NOMO3: variants seen among roughly 807,000 people sequenced by gnomAD.
NOMO3 encodes the protein BOS complex subunit NOMO3.
In NOMO3, 15 loss-of-function variants were observed where a neutral mutation model predicts 69.9. That is an observed-to-expected ratio of 0.21 (90% confidence interval 0.14 to 0.33). The LOEUF (loss-of-function observed/expected upper bound fraction) is 0.33, where lower values mean the gene tolerates loss of function less well. NOMO3 is among the 10% of genes least tolerant of loss of function. NOMO3 has a pLI of 1.00. For missense variants in NOMO3, 218 were observed against 761.0 expected (o/e 0.29, Z 8.39); for synonymous variants, 89 against 301.9 (o/e 0.29, Z 7.31).
rs2049386293 is a variant in NOMO3 at position 16,243,038 on chromosome 16, G to C, written c.302-123G>C. 5 of 1,303,770 alleles carry C rather than the reference G, an allele frequency of 3.8e-6. No individual in the cohort carries two copies. In the South Asian group the frequency reaches 7.8e-5, roughly 20 times the overall value. The allele number at this position is 1,303,770 out of a possible 1,614,324, so 80.8% of individuals were successfully genotyped here. ...TTTGGAAACACAACGAGTGTATTAAGTGTTCAAAAGTAAAATGAAACCTGA... is the reference window on the plus strand; with the variant it reads ...TTTGGAAACACAACGAGTGTATTAACTGTTCAAAAGTAAAATGAAACCTGA... On this transcript the variant is annotated intron_variant, in intron 3 of 30. Transcript: ENST00000399336.
chr16:16,242,806 C>T lies in NOMO3; in HGVS notation c.302-355C>T, dbSNP rs1454102881. 1.4e-5 allele frequency among the ~76,000 whole-genome samples: 2 copies of T among 143,648 alleles called. 1 individual carries two copies. Among genetic ancestry groups the T allele is most frequent in the African/African-American group, 5.6e-5 (2 of 35,756 alleles). The allele number at this position is 143,648 out of a possible 152,430, so 94.2% of individuals were successfully genotyped here. A position where few individuals can be genotyped will look rare whatever the true frequency, so the allele number is the denominator to read the frequency against. On this transcript the variant is annotated intron_variant, in intron 3 of 30. Transcript: ENST00000399336. Reference sequence around the variant, plus strand: ...AGGATTAAAGGCACTCAGCTCAGTGCCTGGTCGGTGATGAGCATTCAGGAA... The same window carrying T: ...AGGATTAAAGGCACTCAGCTCAGTGTCTGGTCGGTGATGAGCATTCAGGAA...
intron 16 of NOMO3, among the ~76,000 whole-genome samples, chr16:16,269,429 AT>A (rs750179595): frequency 0.051 from 5,676 of 111,446 alleles, 431 homozygotes; most frequent in African/African-American, 0.1. Flanking sequence ...GAGAAACCTG[AT>A]TTTTTTTTTT....
At chr16:16,265,280 G>C (rs768431068) in intron 15 of NOMO3, 101 bp downstream of exon 15, 2 of 1,581,328 alleles carry the variant, frequency 1.3e-6, no homozygotes, top group Admixed American at 1.7e-5. Context: ...AGGCAAGTCA[G>C]ATTTCCTTTT....
chr16:16,234,079 G>C (rs2049305615), intron 1 of NOMO3, among the ~76,000 whole-genome samples: 1 of 151,978 alleles, frequency 6.6e-6, no homozygotes, highest in Non-Finnish European at 1.5e-5. Context: ...TGCTTTTTCA[G>C]ACTGAAGAGG....
rs413288 is a variant in NOMO3, at chr16:16,259,370, C to A, written c.1221-2132C>A. The stretch of plus-strand genomic sequence containing the variant: ...CTTTTCCTTTTTATTTTTTGTTGAG[C>A]CAGGGTCTTACTCCGTTGCCCAGGC... On this transcript the variant is annotated intron_variant, in intron 11 of 30. Coordinates refer to ENST00000399336, the MANE Select transcript of NOMO3 (RefSeq NM_001004067.4). Among the ~76,000 whole-genome samples, 1,110 of 138,070 alleles carry A rather than the reference C, an allele frequency of 8.0e-3. 6 individuals are homozygous for A. The highest frequency in any genetic ancestry group is 0.01 in the Middle Eastern group (3 of 288). The allele number at this position is 138,070 out of a possible 152,430, so 90.6% of individuals were successfully genotyped here.
At chr16:16,261,374 C>G (rs1305251374) in intron 11 of NOMO3, 128 bp from the exon 12 acceptor site, 3 of 1,421,680 alleles carry the variant, frequency 2.1e-6, no homozygotes, top group Non-Finnish European at 2.8e-6. Context: ...TGCATTCTGT[C>G]TCTTCATTAA....
At chr16:16,237,694 A>G (rs1288959915) in intron 2 of NOMO3, among the ~76,000 whole-genome samples, 1 of 143,668 alleles carries the variant, frequency 7.0e-6, no homozygotes. Context: ...GATTACAGGC[A>G]TCTGCCACTA....
chr16:16,241,407 ATATTT>A (rs1410376506), intron 3 of NOMO3, among the ~76,000 whole-genome samples: 1 of 142,972 alleles, frequency 7.0e-6, no homozygotes, highest in Non-Finnish European at 1.5e-5. Flanking sequence ...TAAAATACTT[ATATTT>A]TATTTTATTT....
At position 16,232,722 on chromosome 16, in the gene NOMO3, T is replaced by C; in HGVS notation, c.56T>C (p.Val19Ala). The C allele has an allele frequency of 1.4e-6, 1 of 730,624 alleles. No individual in the cohort carries two copies. The highest frequency in any genetic ancestry group is 1.8e-6 in the Non-Finnish European group (1 of 544,750). The allele number at this position is 730,624 out of a possible 1,614,324, so 45.3% of individuals were successfully genotyped here. ...PLGPAVVTAA[V>A]VLLLSGVGPA... ...GGGCCCGCGGTGGTCACCGCCGCGG[T>C]GGTGCTGCTGCTGAGCGGCGTGGGG... is the stretch of plus-strand genomic sequence containing the variant. Residue 19 changes from valine to alanine, a missense_variant, in exon 1 of 31, where the codon GTG becomes GCG. Physicochemically the swap from Val to Ala is moderately conservative, Grantham distance 64. Transcript: ENST00000399336.
At position 16,244,195 on chromosome 16, in the gene NOMO3, G is replaced by A. The variant is rs1362855994; in HGVS notation, c.403-873G>A. Among the ~76,000 whole-genome samples the A allele has an allele frequency of 2.8e-5, 4 of 142,242 alleles. 1 individual carries two copies. Among genetic ancestry groups the A allele is most frequent in the Non-Finnish European group, 1.5e-5 (1 of 67,064 alleles). 93.3% of individuals were successfully genotyped at this position (142,242 alleles called of 152,430 possible). A position where few individuals can be genotyped will look rare whatever the true frequency, so the allele number is the denominator to read the frequency against. On this transcript the variant is annotated intron_variant, in intron 4 of 30. Transcript: ENST00000399336. ...CTTTCTCCTCTACCTTTGCGGTGAC[G>A]GGGAGGCCCTTCCATCCCAGCTGTA... is the stretch of plus-strand genomic sequence containing the variant.
rs764719158 is a variant in NOMO3 at position 16,255,737 on chromosome 16, G to A, written c.981G>A (p.Met327Ile). 1 of 1,590,118 alleles carries A rather than the reference G, an allele frequency of 6.3e-7. No individual in the cohort carries two copies. The highest frequency in any genetic ancestry group is 1.6e-5 in the African/African-American group (1 of 62,492). The change falls in exon 10 of 31, where the codon ATG (methionine) becomes ATA (isoleucine). Residue 327 changes from methionine to isoleucine, a missense_variant. Transcript: ENST00000399336. ...SLKIEPVFHVMGFSVTGRVLN... is the reference protein window; with the variant it reads ...SLKIEPVFHVIGFSVTGRVLN... ...TTTTCTAGCCCGTGTTCCACGTCAT[G>A]GGATTCTCCGTCACCGGGAGGGTCT... is the stretch of plus-strand genomic sequence containing the variant.
chr16:16,252,794 A>C (rs2049475105), intron 9 of NOMO3, among the ~76,000 whole-genome samples: 1 of 97,910 alleles, frequency 1.0e-5, no homozygotes, highest in Non-Finnish European at 1.9e-5. Context: ...AGCAGTGACC[A>C]AAAGAGGCAA....
intron 9 of NOMO3, among the ~76,000 whole-genome samples, chr16:16,254,604 T>C (rs1317922396): frequency 5.6e-5 from 8 of 142,842 alleles, no homozygotes; most frequent in Non-Finnish European, 1.2e-4. Flanking sequence ...CAGGAGTCAG[T>C]TATTGAGTGC....
intron 16 of NOMO3, among the ~76,000 whole-genome samples, chr16:16,269,005 A>G (rs553661420): frequency 0.021 from 2,862 of 138,772 alleles, 133 homozygotes; most frequent in Non-Finnish European, 0.029. Flanking sequence ...TGCCACCCTC[A>G]ACATAACCAG....
chr16:16,238,328 G>A (rs1469541022), intron 2 of NOMO3, among the ~76,000 whole-genome samples: 1 of 137,432 alleles, frequency 7.3e-6, no homozygotes, highest in African/African-American at 3.0e-5. Context: ...TGCCTCCTGG[G>A]TTCCAGTGAT....
intron 11 of NOMO3, among the ~76,000 whole-genome samples, chr16:16,260,262 C>T (rs2049551738): frequency 7.7e-6 from 1 of 129,252 alleles, no homozygotes; most frequent in Non-Finnish European, 1.5e-5. Context: ...CGCAACACAA[C>T]TACATTTTTG....
chr16:16,257,806 G>T (rs2049524366), intron 11 of NOMO3, among the ~76,000 whole-genome samples: 1 of 143,948 alleles, frequency 6.9e-6, no homozygotes, highest in Non-Finnish European at 1.5e-5. Flanking sequence ...ACAGATGGAG[G>T]TCAAGGTCAA....
intron 1 of NOMO3, among the ~76,000 whole-genome samples, chr16:16,235,167 T>C (rs1465484119): frequency 1.3e-5 from 2 of 151,170 alleles, no homozygotes; most frequent in Non-Finnish European, 1.5e-5. Context: ...GGCTTAACCT[T>C]ATTTCACACG....
At chr16:16,255,932 C>T in intron 10 of NOMO3, 76 bp from the exon 11 acceptor site, 1 of 1,537,554 alleles carries the variant, frequency 6.5e-7, no homozygotes, top group Admixed American at 1.9e-5. Context: ...GCTTTTGGTC[C>T]AAGTATTCTG....
Sources: gnomAD v4.1 joint callset for allele counts (sites outside exome capture counted in the v4.1 genomes callset) on GRCh38, gnomAD v4.1.1 for gene constraint, MANE v1.5 for transcripts, NCBI Gene and HGNC (gene_info 2026-07-23, HGNC 2026-07-21) for gene names.